Variants in EYS observed in about 807,000 individuals in gnomAD.
The protein encoded by EYS is EGF-like photoreceptor maintenance factor, also known as protein eyes shut homolog.
A neutral mutation model predicts 282.1 loss-of-function variants in EYS; 250 were observed. The ratio of observed to expected loss-of-function variants is 0.89; its 90% CI spans 0.80 to 0.98. The LOEUF (loss-of-function observed/expected upper bound fraction) is 0.98. Ranked by LOEUF, EYS falls within the 50% of genes least tolerant of loss-of-function variation. The pLI is 0.00. For missense variants in EYS, 4,016 were observed against 3,709.0 expected (o/e 1.08, Z -2.15); for synonymous variants, 1,355 against 1,282.9 (o/e 1.06, Z -1.20).
chr6:65,096,359 T>C (rs953761657), intron 12 of EYS, among the ~76,000 whole-genome samples: 23 of 150,854 alleles, frequency 1.5e-4, no homozygotes, highest in Non-Finnish European at 3.1e-4. Context: ...CATAAATACA[T>C]GGAAAGACAT....
chr6:63,894,830 G>A (rs141685219), intron 35 of EYS, among the ~76,000 whole-genome samples: 1,708 of 151,922 alleles, frequency 0.011, 35 homozygotes, highest in Admixed American at 0.037. Flanking sequence ...CTCGTGATCC[G>A]GCTGCCTCGG....
At chr6:65,367,383 T>A (rs1562126450) in intron 8 of EYS, among the ~76,000 whole-genome samples, 1 of 151,760 alleles carries the variant, frequency 6.6e-6, no homozygotes, top group Non-Finnish European at 1.5e-5. Context: ...TTCTTAACCA[T>A]AGCAGGCGAA....
intron 12 of EYS, among the ~76,000 whole-genome samples, chr6:65,066,351 C>G (rs1773746641): frequency 6.6e-6 from 1 of 152,116 alleles, no homozygotes; most frequent in South Asian, 2.1e-4. Flanking sequence ...AGGTCATGTA[C>G]AATTGGTAAT....
intron 26 of EYS, among the ~76,000 whole-genome samples, chr6:64,466,443 T>C (rs1054297139): frequency 1.3e-5 from 2 of 152,122 alleles, no homozygotes; most frequent in Non-Finnish European, 2.9e-5. Context: ...ACCCCTGTCA[T>C]TTGCAAGACA....
At chr6:64,967,672 A>G (rs1770145385) in intron 14 of EYS, among the ~76,000 whole-genome samples, 1 of 152,048 alleles carries the variant, frequency 6.6e-6, no homozygotes, top group African/African-American at 2.4e-5. Flanking sequence ...ATATGCTCCC[A>G]CTACACTGAG....
intron 2 of EYS, among the ~76,000 whole-genome samples, chr6:65,604,789 T>C (rs1423828451): frequency 6.6e-6 from 1 of 151,538 alleles, no homozygotes; most frequent in Non-Finnish European, 1.5e-5. Flanking sequence ...TGTTAGAATC[T>C]AGGTGGTAGA....
intron 36 of EYS, among the ~76,000 whole-genome samples, chr6:63,809,384 A>C (rs1770983517): frequency 6.6e-6 from 1 of 152,236 alleles, no homozygotes; most frequent in South Asian, 2.1e-4. Flanking sequence ...TTCTGGAAGG[A>C]TCAGTCATCA....
Position 63,943,816 on chromosome 6 carries a change from G to T in EYS, c.7055+40567C>A, listed in dbSNP as rs148489472. Among the ~76,000 whole-genome samples, 61 of 152,248 alleles carry T rather than the reference G, an allele frequency of 4.0e-4. 1 individual carries two copies. The East Asian group carries it at 9.3e-3, about 23-fold the overall frequency. On this transcript the variant is annotated intron_variant, in intron 35 of 42. Coordinates refer to ENST00000503581, the MANE Select transcript of EYS (RefSeq NM_001142800.2). ...TGGATGGACTATGCACATTGCTTTT[G>T]CTTACCTAGTTTCCTTTGTTTGTGC...
intron 31 of EYS, among the ~76,000 whole-genome samples, chr6:64,104,440 T>C (rs1029936248): frequency 3.9e-5 from 6 of 152,116 alleles, no homozygotes; most frequent in African/African-American, 1.4e-4. Context: ...TTAGCAAGGA[T>C]GGACCCAAGT....
intron 22 of EYS, among the ~76,000 whole-genome samples, chr6:64,753,503 TAA>T (rs75467726): frequency 6.0e-5 from 8 of 132,262 alleles, no homozygotes; most frequent in South Asian, 4.8e-4. Context: ...CAAAAAACAG[TAA>T]AAAAAAAAAA....
At chr6:64,333,125 G>A (rs1770704979) in intron 29 of EYS, among the ~76,000 whole-genome samples, 1 of 151,924 alleles carries the variant, frequency 6.6e-6, no homozygotes, top group Non-Finnish European at 1.5e-5. Context: ...AACCAGACTA[G>A]TTACTCAGTC....
chr6:65,261,830 G>C (rs1767628094), intron 12 of EYS, among the ~76,000 whole-genome samples: 1 of 151,962 alleles, frequency 6.6e-6, no homozygotes, highest in Non-Finnish European at 1.5e-5. Flanking sequence ...TGTTTTACCA[G>C]CATACAAAAA....
At chr6:64,818,586 G>A (rs554567838) in intron 21 of EYS, among the ~76,000 whole-genome samples, 5 of 152,218 alleles carry the variant, frequency 3.3e-5, no homozygotes, top group African/African-American at 9.6e-5. Flanking sequence ...CTGAAGGCCC[G>A]AAAGCCCCTG....
At chr6:63,970,692 G>A (rs1198942002) in intron 35 of EYS, among the ~76,000 whole-genome samples, 1 of 151,506 alleles carries the variant, frequency 6.6e-6, no homozygotes, top group East Asian at 1.9e-4. Context: ...GAGAAGTGAT[G>A]TCCTTCTCCC....
intron 32 of EYS, among the ~76,000 whole-genome samples, chr6:64,072,213 C>G (rs548907153): frequency 6.6e-6 from 1 of 152,086 alleles, no homozygotes; most frequent in Admixed American, 6.6e-5. Context: ...TTGAAAATCA[C>G]TCATTTGAGA....
At chr6:64,653,396 T>C (rs545121944) in intron 22 of EYS, among the ~76,000 whole-genome samples, 8 of 152,298 alleles carry the variant, frequency 5.3e-5, no homozygotes, top group East Asian at 3.9e-4. Flanking sequence ...TTCATGTAGA[T>C]GGAATTGCAA....
intron 28 of EYS, among the ~76,000 whole-genome samples, chr6:64,419,130 C>T (rs761494284): frequency 2.0e-5 from 3 of 152,066 alleles, no homozygotes; most frequent in Admixed American, 6.5e-5. Context: ...TCTCTATAGA[C>T]GATCATAAGT....
At chr6:64,642,829 T>C (rs1347686612) in intron 22 of EYS, among the ~76,000 whole-genome samples, 1 of 152,182 alleles carries the variant, frequency 6.6e-6, no homozygotes, top group East Asian at 1.9e-4. Context: ...TAATAGATAG[T>C]ACTGGGCCAG....
At position 65,005,815 on chromosome 6, in the gene EYS, T is replaced by C. The variant is rs909054446; in HGVS notation, c.2138-8112A>G. Among the ~76,000 whole-genome samples the C allele has an allele frequency of 3.4e-5, 4 of 119,054 alleles. 2 individuals carry two copies. Among genetic ancestry groups the C allele is most frequent in the South Asian group, 5.5e-4 (2 of 3,622 alleles). 78.1% of individuals were successfully genotyped at this position (119,054 alleles called of 152,430 possible). On this transcript the variant is annotated intron_variant, in intron 13 of 42. Transcript: ENST00000503581. ...TCCCGGCAGTAGCCGGTTAAGATCA[T>C]GGCACAGCCAGAAGTCTCTACCCAG...
Sources: allele counts gnomAD v4.1 joint callset (sites outside exome capture counted in the v4.1 genomes callset), GRCh38; gene constraint gnomAD v4.1.1; transcripts MANE v1.5; gene names NCBI Gene and HGNC (gene_info 2026-07-23, HGNC 2026-07-21).